The following PTGER4 variants were observed in gnomAD, a reference collection of about 807,000 sequenced individuals.
The protein encoded by PTGER4 is prostaglandin E2 receptor EP4 subtype.
In PTGER4, 11 loss-of-function variants were observed where a neutral mutation model predicts 33.2. That is an observed-to-expected ratio of 0.33 (90% CI 0.21 to 0.55). The LOEUF (loss-of-function observed/expected upper bound fraction) is 0.55. Among genes scored for constraint, PTGER4 ranks in the 20% least tolerant of loss-of-function variants. PTGER4 has a pLI of 0.92. For synonymous variants in PTGER4, 275 were observed against 281.5 expected, an observed-to-expected ratio of 0.98 and a Z score of 0.23; for missense variants, 481 against 650.2, an observed-to-expected ratio of 0.74 and a Z score of 2.83.
downstream of PTGER4, among the ~76,000 whole-genome samples, chr5:40,695,411 C>T (rs1467224774): frequency 5.0e-5 from 7 of 138,938 alleles, no homozygotes; most frequent in Admixed American, 2.3e-4. Context: ...GGCATGGTGG[C>T]GGGTGCCTGT....
intron 2 of PTGER4, among the ~76,000 whole-genome samples, chr5:40,685,720 C>G (rs967772784): frequency 1.3e-5 from 2 of 152,198 alleles, no homozygotes; most frequent in African/African-American, 4.8e-5. Flanking sequence ...TTCACTCTCT[C>G]TACACCTCAG....
chr5:40,697,268 AAG>A (rs1405527441), downstream of PTGER4, among the ~76,000 whole-genome samples: 2 of 125,446 alleles, frequency 1.6e-5, no homozygotes, highest in South Asian at 2.8e-4. Context: ...GAAAGAAAGA[AAG>A]AAAGAAAGAA....
the PTGER4 span, among the ~76,000 whole-genome samples, chr5:40,724,070 C>T: frequency 6.6e-6 from 1 of 152,150 alleles, no homozygotes; most frequent in African/African-American, 2.4e-5. Context: ...GAGATATTAG[C>T]ACTCCCAGGT....
downstream of PTGER4, among the ~76,000 whole-genome samples, chr5:40,695,708 C>T (rs10056345): frequency 0.67 from 101,335 of 151,854 alleles, 33,975 homozygotes; most frequent in East Asian, 0.8. Context: ...GAGACTCCGT[C>T]GGAAAAAAGA....
the PTGER4 span, among the ~76,000 whole-genome samples, chr5:40,699,372 T>TTC: frequency 6.7e-5 from 1 of 14,892 alleles, no homozygotes; most frequent in Non-Finnish European, 1.5e-4. Context: ...AATTAAAAAC[T>TTC]ACCCCGCAAA....
chr5:40,727,113 G>A, the PTGER4 span, among the ~76,000 whole-genome samples: 3 of 151,864 alleles, frequency 2.0e-5, no homozygotes, highest in Non-Finnish European at 4.4e-5. Flanking sequence ...ACCTTTTTTG[G>A]TAAGTAGAAA....
downstream of PTGER4, among the ~76,000 whole-genome samples, chr5:40,697,867 C>A (rs944560288): frequency 2.6e-5 from 4 of 151,568 alleles, no homozygotes; most frequent in Admixed American, 1.3e-4. Flanking sequence ...GCGGCTCACA[C>A]CTGTAATCCT....
the PTGER4 span, chr5:40,730,400 CA>C: frequency 3.3e-4 from 467 of 1,435,256 alleles, no homozygotes; most frequent in South Asian, 3.8e-4. Context: ...TTTGGACTTT[CA>C]AAAAAAAATT....
the PTGER4 span, among the ~76,000 whole-genome samples, chr5:40,710,765 A>G: frequency 6.6e-6 from 1 of 152,206 alleles, no homozygotes; most frequent in Admixed American, 6.5e-5. Flanking sequence ...GGATGAGTTC[A>G]TGTCCTTTGT....
At chr5:40,706,287 G>T in the PTGER4 span, among the ~76,000 whole-genome samples, 1 of 152,076 alleles carries the variant, frequency 6.6e-6, no homozygotes, top group East Asian at 1.9e-4. Flanking sequence ...AAGAATTTAT[G>T]AACACAATGA....
chr5:40,707,563 C>T, the PTGER4 span, among the ~76,000 whole-genome samples: 1 of 152,180 alleles, frequency 6.6e-6, no homozygotes, highest in Non-Finnish European at 1.5e-5. Flanking sequence ...GAGACTTAGA[C>T]TCCCACACAA....
the PTGER4 span, among the ~76,000 whole-genome samples, chr5:40,718,173 T>C: frequency 6.6e-6 from 1 of 150,636 alleles, no homozygotes; most frequent in Non-Finnish European, 1.5e-5. Context: ...ATCCAACTCT[T>C]TGGGAGGCCG....
chr5:40,692,525 T>G lies in PTGER4; in HGVS notation c.*147T>G. The stretch of plus-strand genomic sequence containing the variant: ...AGAACATCCTGGCTTTTGAGCACTT[T>G]TCAAACAATCAAGTTGACTCACGTG... On this transcript the variant is annotated 3_prime_UTR_variant, in exon 3 of 3. Transcript: ENST00000302472. The G allele has an allele frequency of 6.9e-7, 1 of 1,451,660 alleles. No individual in the cohort carries two copies. Among genetic ancestry groups the G allele is most frequent in the East Asian group, 2.4e-5 (1 of 41,326 alleles). 89.9% of individuals were successfully genotyped at this position (1,451,660 alleles called of 1,614,324 possible).
the PTGER4 span, among the ~76,000 whole-genome samples, chr5:40,706,755 T>C: frequency 1.3e-5 from 2 of 151,564 alleles, no homozygotes; most frequent in Admixed American, 1.3e-4. Context: ...GGTATCATTA[T>C]GAAAACAAAC....
the PTGER4 span, among the ~76,000 whole-genome samples, chr5:40,745,920 C>T: frequency 2.4e-4 from 36 of 151,954 alleles, no homozygotes; most frequent in African/African-American, 8.2e-4. Context: ...TTCTTTAATA[C>T]AGATTTGAAA....
the PTGER4 span, among the ~76,000 whole-genome samples, chr5:40,743,664 C>G: frequency 6.6e-6 from 1 of 151,832 alleles, no homozygotes; most frequent in Non-Finnish European, 1.5e-5. Flanking sequence ...TCCCAGCTAC[C>G]TGGGAGGCTG....
At chr5:40,712,320 T>C in the PTGER4 span, among the ~76,000 whole-genome samples, 1 of 152,192 alleles carries the variant, frequency 6.6e-6, no homozygotes, top group African/African-American at 2.4e-5. Context: ...TGGTTTTTAA[T>C]ATATCTCATG....
the PTGER4 span, among the ~76,000 whole-genome samples, chr5:40,701,052 T>C: frequency 7.0e-6 from 1 of 143,754 alleles, no homozygotes; most frequent in Non-Finnish European, 1.5e-5. Flanking sequence ...CAATCTACAC[T>C]GCAGTTAAAG....
At chr5:40,725,442 T>TA in the PTGER4 span, among the ~76,000 whole-genome samples, 1 of 152,146 alleles carries the variant, frequency 6.6e-6, no homozygotes, top group Admixed American at 6.5e-5. Flanking sequence ...TGCAAAATAT[T>TA]AAAACCAATG....
Sources: allele counts gnomAD v4.1 joint callset (sites outside exome capture counted in the v4.1 genomes callset), GRCh38; gene constraint gnomAD v4.1.1; transcripts MANE v1.5; gene names NCBI Gene and HGNC (gene_info 2026-07-23, HGNC 2026-07-21).